FUT8: variants seen among roughly 807,000 people sequenced by gnomAD.
FUT8 encodes alpha-(1,6)-fucosyltransferase.
A neutral mutation model predicts 71.3 loss-of-function variants in FUT8; 29 were observed. That is an observed-to-expected ratio of 0.41 (90% CI 0.30 to 0.55). FUT8 has a LOEUF of 0.55. Among genes scored for constraint, FUT8 ranks in the 20% least tolerant of loss-of-function variants. The probability of loss-of-function intolerance (pLI) is 0.34; values close to 1 mark genes in which losing one functional copy is unlikely to be tolerated. For synonymous variants in FUT8, 254 were observed against 239.3 expected, an observed-to-expected ratio of 1.06 and a Z score of -0.57; for missense variants, 544 against 702.1, an observed-to-expected ratio of 0.77 and a Z score of 2.55.
chr14:65,563,151 A>G (rs972651946), intron 3 of FUT8, among the ~76,000 whole-genome samples: 4 of 152,064 alleles, frequency 2.6e-5, no homozygotes, highest in Non-Finnish European at 5.9e-5. Flanking sequence ...GAATTTGTCT[A>G]TTATTTTCTT....
chr14:65,443,508 C>T (rs997326441), intron 1 of FUT8, among the ~76,000 whole-genome samples: 2 of 151,380 alleles, frequency 1.3e-5, no homozygotes, highest in Non-Finnish European at 2.9e-5. Context: ...TTACTTGAGG[C>T]CAGGAGTTTG....
the FUT8 span, among the ~76,000 whole-genome samples, chr14:65,383,272 T>C: frequency 5.3e-5 from 5 of 94,156 alleles, no homozygotes; most frequent in Admixed American, 4.3e-4. Context: ...TTTCTTTTTT[T>C]TTTTTTTTTT....
intron 7 of FUT8, among the ~76,000 whole-genome samples, chr14:65,718,789 T>C (rs1895259288): frequency 6.6e-6 from 1 of 152,154 alleles, no homozygotes; most frequent in African/African-American, 2.4e-5. Flanking sequence ...GTCATACCAC[T>C]CTCTTTTGGC....
At chr14:65,670,778 G>C (rs995248420) in intron 7 of FUT8, among the ~76,000 whole-genome samples, 1 of 152,080 alleles carries the variant, frequency 6.6e-6, no homozygotes. Flanking sequence ...AAACTTAATT[G>C]AGTACTTTCT....
chr14:65,523,521 G>C (rs894376085), intron 2 of FUT8, among the ~76,000 whole-genome samples: 20 of 152,214 alleles, frequency 1.3e-4, no homozygotes, highest in African/African-American at 4.3e-4. Flanking sequence ...CCATTCTGTA[G>C]GTTGCCTGTT....
At chr14:65,563,769 C>A (rs1476177912) in intron 3 of FUT8, among the ~76,000 whole-genome samples, 6 of 151,958 alleles carry the variant, frequency 3.9e-5, no homozygotes, top group African/African-American at 1.4e-4. Flanking sequence ...GTTTTTGTTG[C>A]ATGAAGGGAA....
intron 2 of FUT8, among the ~76,000 whole-genome samples, chr14:65,502,076 A>G (rs985941880): frequency 4.0e-5 from 6 of 151,818 alleles, no homozygotes; most frequent in African/African-American, 1.5e-4. Context: ...ACACCCAGCT[A>G]ATTTTTGTAT....
chr14:65,700,381 GTTTTTTTTT>G (rs763718984), intron 7 of FUT8, among the ~76,000 whole-genome samples: 7 of 48,880 alleles, frequency 1.4e-4, no homozygotes, highest in South Asian at 1.1e-3. Flanking sequence ...CTTTCTTTCT[GTTTTTTTTT>G]TTTTTTTTTT....
chr14:65,715,955 C>G lies in FUT8; in HGVS notation c.836-5820C>G, dbSNP rs200512587. 2.4e-4 allele frequency among the ~76,000 whole-genome samples: 32 copies of G among 135,272 alleles called. No homozygotes were observed. The East Asian group carries it at 6.5e-3, about 27-fold the overall frequency. The allele number at this position is 135,272 out of a possible 152,430, so 88.7% of individuals were successfully genotyped here. A position where few individuals can be genotyped will look rare whatever the true frequency, so the allele number is the denominator to read the frequency against. Reference sequence around the variant, plus strand: ...TCACACCACTGCACTCCAGCCTGGACAAGAGTGAGACCCTCTCTCAAAAAA... The same window carrying G: ...TCACACCACTGCACTCCAGCCTGGAGAAGAGTGAGACCCTCTCTCAAAAAA... On this transcript the variant is annotated intron_variant, in intron 7 of 10. Coordinates refer to ENST00000673929, the MANE Select transcript of FUT8 (RefSeq NM_001371533.1).
the FUT8 span, among the ~76,000 whole-genome samples, chr14:65,376,145 G>C: frequency 1.3e-5 from 2 of 151,786 alleles, no homozygotes; most frequent in South Asian, 2.1e-4. Flanking sequence ...GTGTATTCTG[G>C]AAAGCATAGA....
intron 2 of FUT8, among the ~76,000 whole-genome samples, chr14:65,507,301 T>TAA (rs1429159635): frequency 6.6e-6 from 1 of 152,234 alleles, no homozygotes; most frequent in African/African-American, 2.4e-5. Flanking sequence ...AGAAGATTTG[T>TAA]GTCTGTCTCT....
the FUT8 span, among the ~76,000 whole-genome samples, chr14:65,375,712 G>T: frequency 3.3e-5 from 5 of 152,258 alleles, no homozygotes; most frequent in Non-Finnish European, 7.3e-5. Flanking sequence ...CTTGTAGCAA[G>T]TAAGTAGTGT....
chr14:65,698,323 G>T (rs1894099318), intron 7 of FUT8, among the ~76,000 whole-genome samples: 1 of 152,156 alleles, frequency 6.6e-6, no homozygotes, highest in Non-Finnish European at 1.5e-5. Flanking sequence ...AGAGGCAACT[G>T]CCTGGAAAAG....
At chr14:65,685,456 C>A (rs1893238725) in intron 7 of FUT8, among the ~76,000 whole-genome samples, 1 of 152,118 alleles carries the variant, frequency 6.6e-6, no homozygotes, top group Non-Finnish European at 1.5e-5. Context: ...TGTAGGTTAA[C>A]CCTATTACCA....
chr14:65,386,523 A>T, the FUT8 span, among the ~76,000 whole-genome samples: 1 of 151,282 alleles, frequency 6.6e-6, no homozygotes, highest in East Asian at 1.9e-4. Flanking sequence ...AAAAAAAAAA[A>T]AAAAAAGAAA....
At chr14:65,464,279 T>A (rs908516216) in intron 2 of FUT8, among the ~76,000 whole-genome samples, 5 of 150,770 alleles carry the variant, frequency 3.3e-5, no homozygotes, top group Middle Eastern at 3.4e-3. Context: ...TTTTTTTTTT[T>A]ACATAGATGA....
chr14:65,403,229 C>T, the FUT8 span, among the ~76,000 whole-genome samples: 1 of 152,164 alleles, frequency 6.6e-6, no homozygotes, highest in Non-Finnish European at 1.5e-5. Flanking sequence ...TTAATACTAA[C>T]AACAACCCTA....
intron 2 of FUT8, among the ~76,000 whole-genome samples, chr14:65,545,925 AAAGT>A (rs1489718074): frequency 6.6e-6 from 1 of 151,876 alleles, no homozygotes; most frequent in Non-Finnish European, 1.5e-5. Flanking sequence ...TTTTTCATTA[AAAGT>A]AAGAATGTAC....
chr14:65,725,632 G>T, intron 9 of FUT8, among the ~76,000 whole-genome samples: 1 of 152,124 alleles, frequency 6.6e-6, no homozygotes, highest in East Asian at 1.9e-4. Flanking sequence ...GTAGTGTTTA[G>T]CACTTGCTTA....
Sources: gnomAD v4.1 joint callset for allele counts (sites outside exome capture counted in the v4.1 genomes callset) on GRCh38, gnomAD v4.1.1 for gene constraint, MANE v1.5 for transcripts, NCBI Gene and HGNC (gene_info 2026-07-23, HGNC 2026-07-21) for gene names.